ARK2N: variants seen among roughly 807,000 people sequenced by gnomAD.
ARK2N encodes protein ARK2N.
At chr18:46,192,932 C>G in the ARK2N span, among the ~76,000 whole-genome samples, 3 of 149,226 alleles carry the variant, frequency 2.0e-5, no homozygotes, top group Non-Finnish European at 4.4e-5. Flanking sequence ...TGCAGTGGCT[C>G]ACGCCTGGAA....
At chr18:46,215,268 G>C in the ARK2N span, among the ~76,000 whole-genome samples, 9 of 152,256 alleles carry the variant, frequency 5.9e-5, no homozygotes, top group South Asian at 1.9e-3. Flanking sequence ...GCAGTGAACT[G>C]AGATTGCACC....
chr18:46,221,270 GT>G, the ARK2N span, among the ~76,000 whole-genome samples: 4 of 151,810 alleles, frequency 2.6e-5, no homozygotes, highest in Non-Finnish European at 5.9e-5. Context: ...TATCTTGCTG[GT>G]GTGGTGTCTC....
chr18:46,252,085 C>T, the ARK2N span, among the ~76,000 whole-genome samples: 1 of 151,578 alleles, frequency 6.6e-6, no homozygotes, highest in Non-Finnish European at 1.5e-5. Context: ...CCCAGCTACT[C>T]GGGAGGTTGA....
chr18:46,186,755 A>G, the ARK2N span, among the ~76,000 whole-genome samples: 1 of 149,786 alleles, frequency 6.7e-6, no homozygotes, highest in Admixed American at 6.7e-5. Flanking sequence ...TGATCCGCCC[A>G]CCTCGGCCTC....
At chr18:46,217,563 T>C in the ARK2N span, 1 of 152,188 alleles carries the variant, frequency 6.6e-6, no homozygotes, top group African/African-American at 2.4e-5. Context: ...GCTTTCTGTT[T>C]CTACATGTGA....
the ARK2N span, among the ~76,000 whole-genome samples, chr18:46,224,082 G>T: frequency 6.6e-6 from 1 of 152,226 alleles, no homozygotes; most frequent in Admixed American, 6.5e-5. Context: ...TCCTAAACTG[G>T]ACCACTATGC....
At chr18:46,180,090 G>A in the ARK2N span, among the ~76,000 whole-genome samples, 1 of 152,192 alleles carries the variant, frequency 6.6e-6, no homozygotes, top group Non-Finnish European at 1.5e-5. Flanking sequence ...TGTTTGATTA[G>A]TTGTTAGGAA....
the ARK2N span, among the ~76,000 whole-genome samples, chr18:46,208,464 C>CTTTTTTTTTT: frequency 2.9e-5 from 2 of 68,388 alleles, no homozygotes; most frequent in Admixed American, 4.4e-4. Flanking sequence ...GTTCTTAAAT[C>CTTTTTTTTTT]TTTTTTTTTT....
the ARK2N span, among the ~76,000 whole-genome samples, chr18:46,194,548 C>T: frequency 6.6e-6 from 1 of 151,686 alleles, no homozygotes; most frequent in African/African-American, 2.4e-5. Flanking sequence ...TCTCGGCTCA[C>T]TGCAGCCTCC....
chr18:46,184,424 G>A, the ARK2N span, among the ~76,000 whole-genome samples: 2 of 150,614 alleles, frequency 1.3e-5, no homozygotes, highest in African/African-American at 4.9e-5. Context: ...GCCCGGCCTC[G>A]AAAACCAAAA....
the ARK2N span, among the ~76,000 whole-genome samples, chr18:46,259,161 G>A: frequency 5.3e-5 from 8 of 151,598 alleles, no homozygotes; most frequent in East Asian, 7.7e-4. Context: ...AACTAATAAC[G>A]TACCTTTTTT....
At chr18:46,205,285 A>G in the ARK2N span, among the ~76,000 whole-genome samples, 1 of 152,182 alleles carries the variant, frequency 6.6e-6, no homozygotes. Flanking sequence ...TTCACAGGTA[A>G]TACGGAAAGG....
the ARK2N span, among the ~76,000 whole-genome samples, chr18:46,244,233 A>G: frequency 2.6e-5 from 4 of 152,118 alleles, no homozygotes; most frequent in Non-Finnish European, 4.4e-5. Flanking sequence ...CTGCAAACAA[A>G]TGTAGTTGGG....
At chr18:46,193,259 A>T in the ARK2N span, among the ~76,000 whole-genome samples, 3 of 151,782 alleles carry the variant, frequency 2.0e-5, no homozygotes, top group Non-Finnish European at 2.9e-5. Context: ...CATTGGCAGT[A>T]TTGGTTCTGT....
At chr18:46,194,805 AT>A in the ARK2N span, among the ~76,000 whole-genome samples, 80,496 of 126,438 alleles carry the variant, frequency 0.64, 25,875 homozygotes, top group Middle Eastern at 0.72. Context: ...AATTTAATTA[AT>A]TTTTTTTTTT....
the ARK2N span, among the ~76,000 whole-genome samples, chr18:46,208,959 G>A: frequency 1.3e-5 from 2 of 152,102 alleles, no homozygotes; most frequent in Non-Finnish European, 2.9e-5. Flanking sequence ...ATTTACCAAA[G>A]GGTTATTCTA....
At chr18:46,266,706 G>A in the ARK2N span, 4 of 152,758 alleles carry the variant, frequency 2.6e-5, no homozygotes, top group East Asian at 5.8e-4. Context: ...TGCTGTTGCT[G>A]GAGTGTGAGC....
At chr18:46,231,746 T>A in the ARK2N span, 23 of 151,750 alleles carry the variant, frequency 1.5e-4, no homozygotes, top group Admixed American at 1.5e-3. Flanking sequence ...CTTTTTTTTT[T>A]TGTTTTTTGT....
chr18:46,244,318 C>T, the ARK2N span, among the ~76,000 whole-genome samples: 12 of 152,128 alleles, frequency 7.9e-5, no homozygotes, highest in South Asian at 1.7e-3. Flanking sequence ...ATTTTTTTCC[C>T]TGGGAAGTTA....
Sources: gnomAD v4.1 joint callset for allele counts (sites outside exome capture counted in the v4.1 genomes callset) on GRCh38, gnomAD v4.1.1 for gene constraint, MANE v1.5 for transcripts, NCBI Gene and HGNC (gene_info 2026-07-23, HGNC 2026-07-21) for gene names.